DNAH17: variants seen among roughly 807,000 people sequenced by gnomAD.
DNAH17 encodes the protein dynein axonemal heavy chain 17.
A neutral mutation model predicts 485.6 loss-of-function variants in DNAH17; 376 were observed. The observed-to-expected ratio is 0.77, with a 90% CI of 0.71 to 0.84. DNAH17 has a LOEUF of 0.84. DNAH17 is among the 40% of genes least tolerant of loss of function. The pLI is 0.00. For synonymous variants in DNAH17, 3,031 were observed against 2,405.9 expected (o/e 1.26, Z -7.60); for missense variants, 6,370 against 5,839.3 (o/e 1.09, Z -2.96).
chr17:78,494,540 A>C (rs1344008251), intron 40 of DNAH17, 53 bp downstream of exon 40: 9 of 1,568,784 alleles, frequency 5.7e-6, no homozygotes, highest in Non-Finnish European at 6.1e-6. Context: ...GTGGGAAGGA[A>C]GCCCCAGCCA....
intron 37 of DNAH17, among the ~76,000 whole-genome samples, chr17:78,496,463 T>A (rs1398129670): frequency 5.8e-5 from 1 of 17,336 alleles, no homozygotes; most frequent in African/African-American, 3.3e-4. Context: ...GCGGGGGTGG[T>A]GGGCGGGGGG....
intron 73 of DNAH17, among the ~76,000 whole-genome samples, chr17:78,438,424 GAAGGA>G (rs2146449095): frequency 2.9e-5 from 2 of 68,508 alleles, no homozygotes; most frequent in South Asian, 5.8e-4. Flanking sequence ...CAAGTGAGGA[GAAGGA>G]GGAGGAGGAG....
chr17:78,426,690 T>C (rs1185575664), intron 78 of DNAH17, 90 bp from the exon 79 acceptor site: 12 of 1,499,714 alleles, frequency 8.0e-6, no homozygotes, highest in South Asian at 1.3e-5. Context: ...GTCAACACAG[T>C]GTGGCTTTGT....
chr17:78,465,919 T>G (rs1339278779), intron 56 of DNAH17, among the ~76,000 whole-genome samples: 2 of 152,078 alleles, frequency 1.3e-5, no homozygotes, highest in Admixed American at 6.5e-5. Flanking sequence ...CACCACCCCG[T>G]CTGGGAGGTG....
intron 51 of DNAH17, among the ~76,000 whole-genome samples, chr17:78,477,824 C>G (rs1227724993): frequency 6.6e-6 from 1 of 152,194 alleles, no homozygotes; most frequent in African/African-American, 2.4e-5. Flanking sequence ...AACCCAATCT[C>G]TGACTCAGAG....
In DNAH17 at chr17:78,454,870, G is replaced by GT. The variant is rs570509983; in HGVS notation, c.10171-166dup. Among the ~76,000 whole-genome samples, 3 of 152,134 alleles carry GT rather than the reference G, an allele frequency of 2.0e-5. No homozygotes were observed. In the South Asian group the frequency reaches 6.2e-4, roughly 32 times the overall value. ...CCATCACTCTGGACAGAGCAGCTTT[G>GT]TAACTCGGCCAGAAACGATGTCAGC... On this transcript the variant is annotated intron_variant, in intron 63 of 80. Coordinates refer to ENST00000389840, the MANE Select transcript of DNAH17 (RefSeq NM_173628.4).
Position 78,572,659 on chromosome 17 carries a change from T to C in DNAH17, c.539+42A>G, listed in dbSNP as rs751973957. 2.0e-6 allele frequency: 3 copies of C among 1,529,966 alleles called. No individual in the cohort carries two copies. In the South Asian group the frequency reaches 3.7e-5, roughly 19 times the overall value. The allele number at this position is 1,529,966 out of a possible 1,614,324, so 94.8% of individuals were successfully genotyped here. On this transcript the variant is annotated intron_variant, in intron 3 of 80. Coordinates refer to ENST00000389840, the MANE Select transcript of DNAH17 (RefSeq NM_173628.4). ...GGGGTGGGGGTCAAGCATGTGCCTCTTCCCCACCCAGCGGCAGCCGGAAGC... is the reference window on the plus strand; with the variant it reads ...GGGGTGGGGGTCAAGCATGTGCCTCCTCCCCACCCAGCGGCAGCCGGAAGC...
At chr17:78,530,793 A>T (rs1267239493) in intron 20 of DNAH17, among the ~76,000 whole-genome samples, 1 of 152,194 alleles carries the variant, frequency 6.6e-6, no homozygotes, top group East Asian at 1.9e-4. Context: ...GGTAGGACAG[A>T]AGCTTCAAGA....
At chr17:78,567,287 C>A in intron 9 of DNAH17, 121 bp from the exon 10 acceptor site, 1 of 984,840 alleles carries the variant, frequency 1.0e-6, no homozygotes, top group South Asian at 1.5e-5. Flanking sequence ...CAGGAGACAC[C>A]AACCATGGGG....
rs755284588 is a variant in DNAH17, at chr17:78,571,301, G to A, written c.810C>T (p.Asn270=). The A allele has an allele frequency of 1.9e-5, 31 of 1,613,534 alleles. No homozygotes were observed. Among genetic ancestry groups the A allele is most frequent in the African/African-American group, 5.3e-5 (4 of 74,920 alleles). ...AKSCYWPALQ[N]VYTNVTEGLK... is the part of the protein sequence containing the mutation. ...CACCTTCAGTGACGTTGGTGTAAACGTTTTGCAGGGCTGGCCAGTAGCAGC... is the reference window on the plus strand; with the variant it reads ...CACCTTCAGTGACGTTGGTGTAAACATTTTGCAGGGCTGGCCAGTAGCAGC... The change falls in exon 5 of 81, where the codon AAC becomes AAT. Residue 270 remains asparagine (N), a synonymous_variant. Transcript: ENST00000389840.
In DNAH17 at chr17:78,560,787, G is replaced by T; in HGVS notation, c.1984C>A (p.Leu662Met). ...CHFNLGQPLI[L>M]RDAASNLIHV... The stretch of plus-strand genomic sequence containing the variant: ...ATGAGGTTGCTAGCGGCGTCCCGCA[G>T]AATCAGCGGCTGCCCCAGGTTAAAG... Residue 662 changes from leucine (L) to methionine (M), a missense_variant, in exon 13 of 81, where the codon CTG becomes ATG. Leu to Met is a conservative substitution (Grantham distance 15). Coordinates refer to ENST00000389840, the MANE Select transcript of DNAH17 (RefSeq NM_173628.4). 6.4e-7 allele frequency: 1 copy of T among 1,552,308 alleles called. No homozygotes were observed. Among genetic ancestry groups the T allele is most frequent in the Non-Finnish European group, 8.7e-7 (1 of 1,147,418 alleles).
intron 76 of DNAH17, 123 bp downstream of exon 76, chr17:78,428,998 C>G: frequency 9.9e-7 from 1 of 1,011,696 alleles, no homozygotes; most frequent in Non-Finnish European, 1.5e-6. Flanking sequence ...ATTTCTCATC[C>G]TCTCTTATTT....
In DNAH17 at chr17:78,478,863, A is replaced by G. The variant is rs796997350; in HGVS notation, c.7992+162T>C. On this transcript the variant is annotated intron_variant, in intron 51 of 80. Transcript: ENST00000389840. ...CATTACCACCATCACTACCACTGTC[A>G]CCACCACCATTACCATCACCACCAT... 17 of 627,426 alleles carry G rather than the reference A, an allele frequency of 2.7e-5. No individual in the cohort carries two copies. The African/African-American group carries it at 2.8e-4, about 10-fold the overall frequency. The allele number at this position is 627,426 out of a possible 1,614,324, so 38.9% of individuals were successfully genotyped here.
rs1366873726 is a variant in DNAH17 at position 78,570,867 on chromosome 17, AAAAAAAAAAAAG to A, written c.918+69_918+80del. ...GCGAGACTCCCTCTCAAAAAAAAAA[AAAAAAAAAAAAG>A]AAAAAAGAAAAGAAAAGAAAAGAAA... On this transcript the variant is annotated intron_variant, in intron 6 of 80. Coordinates refer to ENST00000389840, the MANE Select transcript of DNAH17 (RefSeq NM_173628.4). 1.2e-4 allele frequency: 88 copies of A among 739,310 alleles called. No individual in the cohort carries two copies. In the Middle Eastern group the frequency reaches 4.9e-3, roughly 41 times the overall value. 45.8% of individuals were successfully genotyped at this position (739,310 alleles called of 1,614,324 possible).
intron 19 of DNAH17, among the ~76,000 whole-genome samples, chr17:78,533,843 C>G (rs2091303601): frequency 6.6e-6 from 1 of 152,110 alleles, no homozygotes; most frequent in Non-Finnish European, 1.5e-5. Context: ...CACCACCATG[C>G]CTGGCTAATT....
chr17:78,488,256 G>A (rs953941081), intron 44 of DNAH17, among the ~76,000 whole-genome samples: 5 of 152,184 alleles, frequency 3.3e-5, no homozygotes, highest in Non-Finnish European at 5.9e-5. Flanking sequence ...ACGGCTTCTT[G>A]CCCTGTCCCC....
intron 25 of DNAH17, among the ~76,000 whole-genome samples, chr17:78,523,237 C>A (rs1353992525): frequency 2.0e-5 from 3 of 151,976 alleles, no homozygotes; most frequent in Non-Finnish European, 2.9e-5. Context: ...CTCACTGCAA[C>A]CTCCGCCTCC....
intron 14 of DNAH17, among the ~76,000 whole-genome samples, chr17:78,553,825 T>C (rs990672933): frequency 1.3e-5 from 2 of 152,234 alleles, no homozygotes; most frequent in African/African-American, 2.4e-5. Flanking sequence ...CCGTTACTTT[T>C]AATACATAAA....
chr17:78,548,318 C>T (rs1336904346), intron 16 of DNAH17, among the ~76,000 whole-genome samples: 4 of 147,588 alleles, frequency 2.7e-5, no homozygotes, highest in Non-Finnish European at 6.0e-5. Context: ...CATTCTCCTG[C>T]CTCAGCCTCC....
Sources: gnomAD v4.1 joint callset for allele counts (sites outside exome capture counted in the v4.1 genomes callset) on GRCh38, gnomAD v4.1.1 for gene constraint, MANE v1.5 for transcripts, NCBI Gene and HGNC (gene_info 2026-07-23, HGNC 2026-07-21) for gene names.